FAM72B: variants seen among roughly 807,000 people sequenced by gnomAD.
FAM72B encodes the protein RUMY family member 2.
FAM72B carries 4 observed loss-of-function variants against 12.6 expected under a neutral mutation model. The ratio of observed to expected loss-of-function variants is 0.32; its 90% CI spans 0.16 to 0.73. The LOEUF is 0.73. Ranked by LOEUF, FAM72B falls within the 30% of genes least tolerant of loss-of-function variation. The probability of loss-of-function intolerance (pLI) is 0.67; values close to 1 mark genes in which losing one functional copy is unlikely to be tolerated. For synonymous variants in FAM72B, 13 were observed against 53.9 expected, an observed-to-expected ratio of 0.24 and a Z score of 3.32; for missense variants, 61 against 158.4, an observed-to-expected ratio of 0.39 and a Z score of 3.30.
chr1:121,170,007 A>G (rs1654060166), intron 3 of FAM72B, among the ~76,000 whole-genome samples: 1 of 151,898 alleles, frequency 6.6e-6, no homozygotes, highest in African/African-American at 2.4e-5. Context: ...GTCTCGCTCT[A>G]TTGCCCAGGC....
chr1:121,169,849 A>T (rs1465397999), intron 3 of FAM72B, among the ~76,000 whole-genome samples: 1 of 152,144 alleles, frequency 6.6e-6, no homozygotes. Context: ...ATGACTAAAC[A>T]TACAGTAGAG....
chr1:121,169,677 A>G (rs1308429968), intron 3 of FAM72B, among the ~76,000 whole-genome samples: 8 of 152,142 alleles, frequency 5.3e-5, no homozygotes, highest in Admixed American at 5.2e-4. Flanking sequence ...ATGAACTGCA[A>G]TCCTTGGTAC....
chr1:121,180,424 A>C (rs1199301271), intron 2 of FAM72B, among the ~76,000 whole-genome samples: 1 of 133,544 alleles, frequency 7.5e-6, no homozygotes, highest in African/African-American at 3.1e-5. Flanking sequence ...TGGTGCGTGC[A>C]TGTAATCCCA....
In FAM72B at chr1:121,183,691, G is replaced by C. The variant is rs1386999487; in HGVS notation, c.-202C>G. On this transcript the variant is annotated 5_prime_UTR_variant, in exon 1 of 4. Coordinates refer to ENST00000369390, the MANE Select transcript of FAM72B (RefSeq NM_001100910.2). ...AAGTATTTATTGAGTAGGAACAGGG[G>C]AGCGTGGCAAACTTGGCTTTCCTTT... 2 of 558,822 alleles carry C rather than the reference G, an allele frequency of 3.6e-6. No individual in the cohort carries two copies. The highest frequency in any genetic ancestry group is 6.6e-6 in the Non-Finnish European group (2 of 303,122). 34.6% of individuals were successfully genotyped at this position (558,822 alleles called of 1,614,324 possible).
intron 3 of FAM72B, among the ~76,000 whole-genome samples, chr1:121,169,608 G>A (rs1311288225): frequency 6.6e-6 from 1 of 152,164 alleles, no homozygotes; most frequent in Non-Finnish European, 1.5e-5. Flanking sequence ...AAGCAGAGAA[G>A]TAGCTGGTGC....
intron 3 of FAM72B, among the ~76,000 whole-genome samples, chr1:121,176,423 T>C (rs1654214404): frequency 1.1e-5 from 1 of 92,676 alleles, no homozygotes; most frequent in Admixed American, 1.1e-4. Flanking sequence ...CCTCCCGCCT[T>C]GGACTACCAA....
chr1:121,178,676 G>A (rs587598123), intron 2 of FAM72B, among the ~76,000 whole-genome samples: 92 of 151,702 alleles, frequency 6.1e-4, no homozygotes, highest in African/African-American at 2.1e-3. Flanking sequence ...TTCAGGCACT[G>A]CTCTAGGTGC....
chr1:121,175,386 T>G (rs1553316712), intron 3 of FAM72B, among the ~76,000 whole-genome samples: 2 of 149,384 alleles, frequency 1.3e-5, no homozygotes, highest in South Asian at 4.4e-4. Flanking sequence ...ATAACATCTA[T>G]TTGGCAGCCC....
In FAM72B at chr1:121,171,955, T is replaced by C. The variant is rs1475892966; in HGVS notation, c.356-3120A>G. Among the ~76,000 whole-genome samples the C allele has an allele frequency of 3.1e-5, 4 of 127,764 alleles. No individual in the cohort carries two copies. In the South Asian group the frequency reaches 7.3e-4, roughly 23 times the overall value. 83.8% of individuals were successfully genotyped at this position (127,764 alleles called of 152,430 possible). ...TTGGTCTGTGAAGGCAAATCATATA[T>C]TTAAAAAATACATTTAAGTTCTAAA... On this transcript the variant is annotated intron_variant, in intron 3 of 3. Coordinates refer to ENST00000369390, the MANE Select transcript of FAM72B (RefSeq NM_001100910.2).
intron 2 of FAM72B, among the ~76,000 whole-genome samples, chr1:121,180,332 G>T (rs1241906501): frequency 9.6e-6 from 1 of 104,324 alleles, no homozygotes; most frequent in East Asian, 2.4e-4. Flanking sequence ...ACCTGAGGTT[G>T]GGAGTTCAAG....
Position 121,168,814 on chromosome 1 carries a change from C to A in FAM72B, c.377G>T (p.Gly126Val). Residue 126 changes from glycine to valine, a missense_variant, in exon 4 of 4, where the codon GGC (glycine) becomes GTC (valine). By Grantham distance (109) the Gly-to-Val change is moderately radical. Transcript: ENST00000369390. ...ACTCTCTTCTATCTCTGGCAAGTTG[C>A]CCCAAAGTAGGATGTTTACACCTGA... is the stretch of plus-strand genomic sequence containing the variant. ...DSTGVNILLW[G>V]NLPEIEESTD... 1 of 1,609,250 alleles carries A rather than the reference C, an allele frequency of 6.2e-7. No individual in the cohort carries two copies. The highest frequency in any genetic ancestry group is 8.5e-7 in the Non-Finnish European group (1 of 1,178,926).
At chr1:121,179,591 G>A (rs1654286921) in intron 2 of FAM72B, among the ~76,000 whole-genome samples, 1 of 152,206 alleles carries the variant, frequency 6.6e-6, no homozygotes, top group Non-Finnish European at 1.5e-5. Flanking sequence ...ACTTAGGGAG[G>A]CCAAGGCAGG....
chr1:121,175,035 G>A (rs1427195130), intron 3 of FAM72B, among the ~76,000 whole-genome samples: 2 of 151,842 alleles, frequency 1.3e-5, no homozygotes, highest in South Asian at 4.1e-4. Flanking sequence ...GTAATACTTG[G>A]CTTCAAAGCT....
chr1:121,183,618 G>C lies in FAM72B; in HGVS notation c.-129C>G, dbSNP rs1393840855. 7.0e-6 allele frequency: 11 copies of C among 1,572,560 alleles called. No homozygotes were observed. The highest frequency in any genetic ancestry group is 2.0e-5 in the Admixed American group (1 of 50,506). ...GAGCTTTTCTAAGTCCTAATATTGG[G>C]AAGGAAATTAGTTTTTTTTTTCTGT... On this transcript the variant is annotated 5_prime_UTR_variant, in exon 1 of 4. Coordinates refer to ENST00000369390, the MANE Select transcript of FAM72B (RefSeq NM_001100910.2).
chr1:121,174,656 C>T lies in FAM72B; in HGVS notation c.355+2552G>A, dbSNP rs190781192. ...TGCTGGGATTACAGGTGTGAGCCACCGCGCCCGGCCTCTTATTCCTTTTTT... is the reference window on the plus strand; with the variant it reads ...TGCTGGGATTACAGGTGTGAGCCACTGCGCCCGGCCTCTTATTCCTTTTTT... On this transcript the variant is annotated intron_variant, in intron 3 of 3. Coordinates refer to ENST00000369390, the MANE Select transcript of FAM72B (RefSeq NM_001100910.2). Among the ~76,000 whole-genome samples the T allele has an allele frequency of 3.9e-3, 587 of 150,426 alleles. 7 individuals are homozygous for T. Among genetic ancestry groups the T allele is most frequent in the African/African-American group, 0.013 (537 of 40,974 alleles).
intron 3 of FAM72B, among the ~76,000 whole-genome samples, chr1:121,174,556 G>A (rs1431909875): frequency 1.2e-4 from 18 of 149,336 alleles, no homozygotes; most frequent in Non-Finnish European, 2.2e-4. Context: ...TAGTAGAGAC[G>A]GGGTTTCTCC....
At chr1:121,179,504 C>T (rs1261964928) in intron 2 of FAM72B, among the ~76,000 whole-genome samples, 11 of 151,326 alleles carry the variant, frequency 7.3e-5, no homozygotes, top group South Asian at 6.3e-4. Flanking sequence ...GCTAACATGG[C>T]GAAATCCCGT....
chr1:121,174,911 G>A (rs1344923842), intron 3 of FAM72B, among the ~76,000 whole-genome samples: 2 of 151,998 alleles, frequency 1.3e-5, no homozygotes, highest in Non-Finnish European at 2.9e-5. Flanking sequence ...GCCTCCCAAA[G>A]TCCTGGGATT....
rs587771617 is a variant in FAM72B at position 121,169,570 on chromosome 1, C to T, written c.356-735G>A. Among the ~76,000 whole-genome samples the T allele has an allele frequency of 2.0e-5, 3 of 152,156 alleles. No homozygotes were observed. The South Asian group carries it at 6.2e-4, about 32-fold the overall frequency. ...CTCTTTGGAGGGTTCAGGGAGAAGT[C>T]CTGAATAAGCCTCCTCATCCCTTCA... On this transcript the variant is annotated intron_variant, in intron 3 of 3. Coordinates refer to ENST00000369390, the MANE Select transcript of FAM72B (RefSeq NM_001100910.2).
Sources: gnomAD v4.1 joint callset for allele counts (sites outside exome capture counted in the v4.1 genomes callset) on GRCh38, gnomAD v4.1.1 for gene constraint, MANE v1.5 for transcripts, NCBI Gene and HGNC (gene_info 2026-07-23, HGNC 2026-07-21) for gene names.